The following XYLT1 variants were observed in gnomAD, a reference collection of about 807,000 sequenced individuals.
XYLT1 encodes beta-D-xylosyltransferase 1.
In XYLT1, 36 loss-of-function variants were observed where a neutral mutation model predicts 91.3. The observed-to-expected ratio is 0.39, with a 90% CI of 0.30 to 0.52. XYLT1 has a LOEUF of 0.52. Ranked by LOEUF, XYLT1 falls within the 20% of genes least tolerant of loss-of-function variation. The pLI is 0.68. For synonymous variants in XYLT1, 588 were observed against 532.0 expected (o/e 1.11, Z -1.45); for missense variants, 1,242 against 1,284.5 (o/e 0.97, Z 0.51).
intron 6 of XYLT1, among the ~76,000 whole-genome samples, chr16:17,141,921 T>C (rs891382767): frequency 6.6e-6 from 1 of 152,216 alleles, no homozygotes; most frequent in African/African-American, 2.4e-5. Context: ...TTTTATTTTT[T>C]GAGACAGGGT....
At chr16:17,149,416 A>C (rs1343655633) in intron 6 of XYLT1, among the ~76,000 whole-genome samples, 1 of 152,208 alleles carries the variant, frequency 6.6e-6, no homozygotes, top group African/African-American at 2.4e-5. Context: ...TGAAAGTACA[A>C]ATGATACATC....
chr16:17,261,475 C>G (rs1397566254), intron 2 of XYLT1, among the ~76,000 whole-genome samples: 2 of 152,100 alleles, frequency 1.3e-5, no homozygotes, highest in Non-Finnish European at 2.9e-5. Flanking sequence ...GAATTCAAAC[C>G]AGGCAGATCA....
chr16:17,394,492 G>A (rs1427755544), intron 1 of XYLT1, among the ~76,000 whole-genome samples: 2 of 152,224 alleles, frequency 1.3e-5, no homozygotes, highest in East Asian at 3.8e-4. Context: ...TCTGGGCAGA[G>A]TGCCCTGGAG....
chr16:17,400,625 A>AGGGAGGGAGGG (rs1567189512), intron 1 of XYLT1, among the ~76,000 whole-genome samples: 1 of 108,834 alleles, frequency 9.2e-6, no homozygotes. Flanking sequence ...GGGAGGGAGG[A>AGGGAGGGAGGG]AGGGAGGAAG....
intron 10 of XYLT1, among the ~76,000 whole-genome samples, chr16:17,121,917 T>G (rs1441061197): frequency 6.6e-6 from 1 of 152,168 alleles, no homozygotes; most frequent in East Asian, 1.9e-4. Flanking sequence ...TTGCTGCAAA[T>G]ACCATTGTTT....
intron 2 of XYLT1, among the ~76,000 whole-genome samples, chr16:17,327,829 T>C (rs1242961784): frequency 1.3e-5 from 2 of 152,110 alleles, no homozygotes. Flanking sequence ...GTCAACCTTT[T>C]CTGTGCTAAC....
chr16:17,310,618 G>A (rs1352496477), intron 2 of XYLT1, among the ~76,000 whole-genome samples: 1 of 152,158 alleles, frequency 6.6e-6, no homozygotes, highest in East Asian at 1.9e-4. Flanking sequence ...TGGGAGGCCA[G>A]GGCAGGTGGA....
chr16:17,395,974 G>A (rs2035880806), intron 1 of XYLT1, among the ~76,000 whole-genome samples: 1 of 152,172 alleles, frequency 6.6e-6, no homozygotes, highest in Admixed American at 6.5e-5. Context: ...AGTTGTTATG[G>A]GTGCTGTTGG....
chr16:17,195,399 G>A (rs540121463), intron 5 of XYLT1, among the ~76,000 whole-genome samples: 1 of 151,802 alleles, frequency 6.6e-6, no homozygotes, highest in Admixed American at 6.6e-5. Context: ...TATGGCCCTC[G>A]AGTTTTTCTC....
At chr16:17,331,009 G>A (rs901526614) in intron 2 of XYLT1, among the ~76,000 whole-genome samples, 4 of 152,316 alleles carry the variant, frequency 2.6e-5, no homozygotes, top group Admixed American at 2.6e-4. Flanking sequence ...CCACCGCCCT[G>A]CACAAAGGGA....
chr16:17,255,585 C>G (rs751884630), intron 3 of XYLT1, among the ~76,000 whole-genome samples: 11 of 152,352 alleles, frequency 7.2e-5, no homozygotes, highest in East Asian at 5.8e-4. Flanking sequence ...TTGCACTCCA[C>G]TTAATTATTG....
chr16:17,175,503 A>C (rs774594862), intron 5 of XYLT1, among the ~76,000 whole-genome samples: 10 of 151,036 alleles, frequency 6.6e-5, no homozygotes, highest in Non-Finnish European at 1.2e-4. Flanking sequence ...CACAGGTAAC[A>C]GAAACAGGGA....
intron 8 of XYLT1, among the ~76,000 whole-genome samples, chr16:17,137,256 C>G (rs2030767873): frequency 6.6e-6 from 1 of 152,118 alleles, no homozygotes; most frequent in Non-Finnish European, 1.5e-5. Flanking sequence ...GTTTCCTTAC[C>G]TGAACAATAA....
intron 1 of XYLT1, among the ~76,000 whole-genome samples, chr16:17,433,423 G>A (rs984650799): frequency 2.0e-5 from 3 of 152,220 alleles, no homozygotes; most frequent in East Asian, 1.9e-4. Flanking sequence ...CCAGCAGATG[G>A]GAGAATCATA....
At chr16:17,313,937 T>G (rs2034588632) in intron 2 of XYLT1, among the ~76,000 whole-genome samples, 1 of 152,170 alleles carries the variant, frequency 6.6e-6, no homozygotes, top group Non-Finnish European at 1.5e-5. Context: ...AGATTCAAAA[T>G]GCAGTTGCCT....
chr16:17,246,627 C>T, intron 3 of XYLT1, among the ~76,000 whole-genome samples: 1 of 152,220 alleles, frequency 6.6e-6, no homozygotes, highest in East Asian at 1.9e-4. Flanking sequence ...AACTAGAGAA[C>T]ATCCCTTCTC....
At chr16:17,399,848 T>C (rs1365460910) in intron 1 of XYLT1, among the ~76,000 whole-genome samples, 1 of 152,142 alleles carries the variant, frequency 6.6e-6, no homozygotes, top group Non-Finnish European at 1.5e-5. Context: ...ACAGAGTCTC[T>C]TTGGAAACCA....
At chr16:17,360,269 G>T (rs923348961) in intron 1 of XYLT1, among the ~76,000 whole-genome samples, 5 of 152,180 alleles carry the variant, frequency 3.3e-5, no homozygotes, top group Non-Finnish European at 7.3e-5. Flanking sequence ...CCAAGAGGTT[G>T]AAGAGGGGAG....
At chr16:17,455,809 T>C (rs2036733870) in intron 1 of XYLT1, among the ~76,000 whole-genome samples, 1 of 152,202 alleles carries the variant, frequency 6.6e-6, no homozygotes, top group South Asian at 2.1e-4. Context: ...CCATCAATAC[T>C]ATTAACATAA....
Sources: gnomAD v4.1 joint callset for allele counts (sites outside exome capture counted in the v4.1 genomes callset) on GRCh38, gnomAD v4.1.1 for gene constraint, MANE v1.5 for transcripts, NCBI Gene and HGNC (gene_info 2026-07-23, HGNC 2026-07-21) for gene names.